NECTIN1: variants seen among roughly 807,000 people sequenced by gnomAD.
NECTIN1 encodes nectin cell adhesion molecule 1.
Under a neutral mutation model 48.0 loss-of-function variants are expected in NECTIN1, and 23 were observed. The observed-to-expected ratio is 0.48, with a 90% CI of 0.34 to 0.68. The LOEUF is 0.68. Ranked by LOEUF, NECTIN1 falls within the 30% of genes least tolerant of loss-of-function variation. NECTIN1 has a pLI of 0.01. For synonymous variants in NECTIN1, 270 were observed against 288.9 expected (o/e 0.93, Z 0.66); for missense variants, 591 against 709.9 (o/e 0.83, Z 1.90).
At chr11:119,681,810 A>T (rs1865064513) in intron 1 of NECTIN1, among the ~76,000 whole-genome samples, 2 of 152,102 alleles carry the variant, frequency 1.3e-5, no homozygotes, top group South Asian at 2.1e-4. Context: ...CTCGTCCTGG[A>T]CATTTTTGCC....
chr11:119,659,344 A>T (rs1222089364), downstream of NECTIN1: 1 of 152,230 alleles, frequency 6.6e-6, no homozygotes, highest in African/African-American at 2.4e-5. Context: ...GAACGGAGAG[A>T]AAGGCCTCCA....
At chr11:119,639,833 G>A (rs1393277635) in intron 6 of NECTIN1, 2 of 1,613,718 alleles carry the variant, frequency 1.2e-6, no homozygotes, top group Non-Finnish European at 8.5e-7. Context: ...AGACCAGTGG[G>A]AGTTTAGTGG....
intron 5 of NECTIN1, among the ~76,000 whole-genome samples, chr11:119,650,962 T>A (rs1481673200): frequency 6.6e-6 from 1 of 152,214 alleles, no homozygotes; most frequent in African/African-American, 2.4e-5. Context: ...CTCCTGGGAC[T>A]CAATTTCCCC....
chr11:119,704,007 C>T (rs1865501140), intron 1 of NECTIN1, among the ~76,000 whole-genome samples: 1 of 152,162 alleles, frequency 6.6e-6, no homozygotes, highest in Non-Finnish European at 1.5e-5. Context: ...TTTTTGCCAC[C>T]TCTTCTCCAA....
chr11:119,641,848 G>C (rs1251840087), intron 5 of NECTIN1: 1 of 151,046 alleles, frequency 6.6e-6, no homozygotes, highest in Non-Finnish European at 1.5e-5. Context: ...TCAGCCTCCC[G>C]AGTAGCTGGG....
chr11:119,653,577 C>G (rs1316108174), intron 5 of NECTIN1, among the ~76,000 whole-genome samples: 1 of 152,166 alleles, frequency 6.6e-6, no homozygotes, highest in East Asian at 1.9e-4. Flanking sequence ...TGGTGCGCAC[C>G]ACGTAGCCAG....
intron 1 of NECTIN1, among the ~76,000 whole-genome samples, chr11:119,701,442 C>T (rs776980854): frequency 6.6e-6 from 1 of 152,104 alleles, no homozygotes; most frequent in Non-Finnish European, 1.5e-5. Flanking sequence ...GTGTCTGGGG[C>T]TCAGAACCCT....
rs2134351308 is a variant in NECTIN1 at position 119,727,047 on chromosome 11, G to A, written c.79+1428C>T. 6.6e-6 allele frequency among the ~76,000 whole-genome samples: 1 copy of A among 152,226 alleles called. No individual in the cohort carries two copies. Among genetic ancestry groups the A allele is most frequent in the Non-Finnish European group, 1.5e-5 (1 of 68,002 alleles). The stretch of plus-strand genomic sequence containing the variant: ...CACATCGAGCAGGGCAGCACCCCAG[G>A]CTTCACGGGTGGAGGCACCCCAGTA... On this transcript the variant is annotated intron_variant, in intron 1 of 5. Coordinates refer to ENST00000264025, the MANE Select transcript of NECTIN1 (RefSeq NM_002855.5). This position sits in a 1 kb window ranked among gnomAD's most constrained non-coding sequence, Gnocchi z 4.1.
At position 119,675,601 on chromosome 11, in the gene NECTIN1, G is replaced by A. The variant is rs947764406; in HGVS notation, c.852-291C>T. 4 of 359,558 alleles carry A rather than the reference G, an allele frequency of 1.1e-5. No homozygotes were observed. The South Asian group carries it at 1.2e-4, about 11-fold the overall frequency. The allele number at this position is 359,558 out of a possible 1,614,324, so 22.3% of individuals were successfully genotyped here. A position where few individuals can be genotyped will look rare whatever the true frequency, so the allele number is the denominator to read the frequency against. On this transcript the variant is annotated intron_variant, in intron 4 of 5. Transcript: ENST00000264025. ...AAGGCCAGGGAACCACAGCTAGCAG[G>A]CAGCAGCATGGGAGCTCCAGCCAAT...
intron 1 of NECTIN1, among the ~76,000 whole-genome samples, chr11:119,698,874 T>C (rs1865387665): frequency 6.6e-6 from 1 of 152,126 alleles, no homozygotes. Flanking sequence ...AGCAAGACCC[T>C]TTCTAGCATC....
chr11:119,683,273 C>T lies in NECTIN1; in HGVS notation c.80-4508G>A, dbSNP rs1220195970. ...TGGTAGCATATTGGAGCTTGATGGA[C>T]CATGCAATCCATCATTTACAATGAC... On this transcript the variant is annotated intron_variant, in intron 1 of 5. Coordinates refer to ENST00000264025, the MANE Select transcript of NECTIN1 (RefSeq NM_002855.5). The surrounding 1 kb of genome is among the most constrained non-coding windows in gnomAD (Gnocchi z 4.0). Among the ~76,000 whole-genome samples, 1 of 152,186 alleles carries T rather than the reference C, an allele frequency of 6.6e-6. No homozygotes were observed. The highest frequency in any genetic ancestry group is 2.4e-5 in the African/African-American group (1 of 41,438).
intron 1 of NECTIN1, among the ~76,000 whole-genome samples, chr11:119,706,143 G>A (rs763318928): frequency 2.6e-5 from 4 of 152,022 alleles, no homozygotes; most frequent in South Asian, 2.1e-4. Context: ...TTCCCCTTCC[G>A]TCCCCACCTC....
At chr11:119,726,152 C>G (rs1231745269) in intron 1 of NECTIN1, among the ~76,000 whole-genome samples, 1 of 152,214 alleles carries the variant, frequency 6.6e-6, no homozygotes, top group Non-Finnish European at 1.5e-5. Context: ...ACCCCCAGAC[C>G]CAGGTTCCCT....
intron 1 of NECTIN1, among the ~76,000 whole-genome samples, chr11:119,722,278 A>G (rs1374795819): frequency 2.0e-5 from 3 of 152,264 alleles, no homozygotes; most frequent in Admixed American, 1.3e-4. Context: ...TGCCACAGAC[A>G]GTATTATGAC....
At position 119,665,346 on chromosome 11, in the gene NECTIN1, G is replaced by T. The variant is rs776525317; in HGVS notation, c.1004-49C>A. 9 of 1,527,742 alleles carry T rather than the reference G, an allele frequency of 5.9e-6. No homozygotes were observed. The South Asian group carries it at 1.0e-4, about 17-fold the overall frequency. The allele number at this position is 1,527,742 out of a possible 1,614,324, so 94.6% of individuals were successfully genotyped here. A position where few individuals can be genotyped will look rare whatever the true frequency, so the allele number is the denominator to read the frequency against. ...GGGACAGCATCAGCGTGTGCTCCTG[G>T]GGTGTAGAGGGGGTGGGAGGGAGGC... is the stretch of plus-strand genomic sequence containing the variant. On this transcript the variant is annotated intron_variant, in intron 5 of 5. Transcript: ENST00000264025. This position sits in a 1 kb window ranked among gnomAD's most constrained non-coding sequence, Gnocchi z 5.1.
chr11:119,655,743 A>T (rs957769475), intron 5 of NECTIN1, among the ~76,000 whole-genome samples: 20 of 152,176 alleles, frequency 1.3e-4, no homozygotes, highest in South Asian at 6.2e-4. Flanking sequence ...AGCGTAGGGG[A>T]GGGAAATTTT....
At chr11:119,688,724 G>C (rs368960440) in intron 1 of NECTIN1, among the ~76,000 whole-genome samples, 146 of 152,304 alleles carry the variant, frequency 9.6e-4, no homozygotes, top group African/African-American at 3.1e-3. Context: ...GGGCACTCTG[G>C]TGGGGAACTG....
At chr11:119,692,152 G>A (rs536109998) in intron 1 of NECTIN1, among the ~76,000 whole-genome samples, 2 of 152,304 alleles carry the variant, frequency 1.3e-5, no homozygotes, top group South Asian at 4.1e-4. Context: ...AATCTATCAG[G>A]AGCCTCGCCC....
At chr11:119,699,662 G>C (rs941754578) in intron 1 of NECTIN1, among the ~76,000 whole-genome samples, 1 of 152,192 alleles carries the variant, frequency 6.6e-6, no homozygotes, top group Non-Finnish European at 1.5e-5. Flanking sequence ...GTCTGGGGTA[G>C]GGCCTTTTGA....
Sources: allele counts gnomAD v4.1 joint callset (sites outside exome capture counted in the v4.1 genomes callset), GRCh38; gene constraint gnomAD v4.1.1; non-coding constraint Gnocchi (gnomAD v3.1); transcripts MANE v1.5; gene names NCBI Gene and HGNC (gene_info 2026-07-23, HGNC 2026-07-21).